The following FBXL20 variants were observed in gnomAD, a reference collection of about 807,000 sequenced individuals.
FBXL20 encodes the protein F-box and leucine rich repeat protein 20.
A neutral mutation model predicts 64.0 loss-of-function variants in FBXL20; 11 were observed. The ratio of observed to expected loss-of-function variants is 0.17; its 90% CI spans 0.11 to 0.28. The LOEUF (loss-of-function observed/expected upper bound fraction) is 0.28. Ranked by LOEUF, FBXL20 falls within the 10% of genes least tolerant of loss-of-function variation. The pLI is 1.00. For missense variants in FBXL20, 303 were observed against 526.2 expected (o/e 0.58, Z 4.15); for synonymous variants, 184 against 189.0 (o/e 0.97, Z 0.22).
intron 1 of FBXL20, among the ~76,000 whole-genome samples, chr17:39,391,650 T>C (rs1287772456): frequency 6.6e-6 from 1 of 152,154 alleles, no homozygotes; most frequent in Non-Finnish European, 1.5e-5. Context: ...AAAGCTGTCA[T>C]TGTCTCCTTA....
chr17:39,339,145 G>GA (rs1181260250), intron 2 of FBXL20, among the ~76,000 whole-genome samples: 1 of 133,572 alleles, frequency 7.5e-6, no homozygotes, highest in Non-Finnish European at 1.5e-5. Context: ...TCCAACCTGG[G>GA]AGACAGTGAG....
intron 1 of FBXL20, among the ~76,000 whole-genome samples, chr17:39,385,884 A>T (rs2048073685): frequency 2.0e-5 from 3 of 151,926 alleles, no homozygotes; most frequent in South Asian, 4.2e-4. Context: ...ACAAAAATTA[A>T]TTGGGCATGG....
intron 1 of FBXL20, among the ~76,000 whole-genome samples, chr17:39,360,986 C>A (rs1304440438): frequency 6.6e-6 from 1 of 152,168 alleles, no homozygotes; most frequent in African/African-American, 2.4e-5. Context: ...TTGTTCCAGC[C>A]TCCACCAACA....
At chr17:39,270,914 T>C (rs1194829351) in intron 10 of FBXL20, 58 bp from the exon 11 acceptor site, 1 of 1,384,930 alleles carries the variant, frequency 7.2e-7, no homozygotes, top group African/African-American at 1.5e-5. Flanking sequence ...GAAAACTGAG[T>C]TTATTAAAAC....
At chr17:39,319,099 A>G (rs1454273483) in intron 2 of FBXL20, among the ~76,000 whole-genome samples, 1 of 151,810 alleles carries the variant, frequency 6.6e-6, no homozygotes, top group African/African-American at 2.4e-5. Context: ...AAATACAAAA[A>G]TTAGCTGGGC....
intron 1 of FBXL20, among the ~76,000 whole-genome samples, chr17:39,374,200 G>A (rs893545794): frequency 6.6e-6 from 1 of 150,432 alleles, no homozygotes; most frequent in Non-Finnish European, 1.5e-5. Context: ...ACACTAGCCT[G>A]GGCGACAAAG....
At chr17:39,340,684 T>TA (rs1304262879) in intron 2 of FBXL20, among the ~76,000 whole-genome samples, 1 of 151,882 alleles carries the variant, frequency 6.6e-6, no homozygotes, top group East Asian at 1.9e-4. Context: ...AATGAAAACT[T>TA]AAAAATAAGA....
At chr17:39,309,743 G>C (rs1458695992) in intron 2 of FBXL20, among the ~76,000 whole-genome samples, 5 of 145,130 alleles carry the variant, frequency 3.4e-5, no homozygotes, top group Non-Finnish European at 5.9e-5. Context: ...AGTGAGCCGA[G>C]ATCATGCCGC....
intron 1 of FBXL20, among the ~76,000 whole-genome samples, chr17:39,393,825 T>C (rs1273819584): frequency 6.6e-6 from 1 of 152,176 alleles, no homozygotes; most frequent in South Asian, 2.1e-4. Flanking sequence ...CTAATGCAAA[T>C]TTGGTTTGGA....
intron 2 of FBXL20, among the ~76,000 whole-genome samples, chr17:39,332,560 T>TA (rs2047472445): frequency 8.1e-6 from 1 of 123,968 alleles, no homozygotes; most frequent in Admixed American, 8.4e-5. Flanking sequence ...TTTTTTTTTT[T>TA]AAGACAGAGT....
intron 3 of FBXL20, among the ~76,000 whole-genome samples, chr17:39,301,508 A>G (rs2047135056): frequency 6.6e-6 from 1 of 151,536 alleles, no homozygotes; most frequent in African/African-American, 2.4e-5. Context: ...CAGGCGGATC[A>G]CCTGAGGTCA....
At position 39,381,048 on chromosome 17, in the gene FBXL20, T is replaced by C. The variant is rs367742649; in HGVS notation, c.42+20313A>G. 2.7e-4 allele frequency among the ~76,000 whole-genome samples: 41 copies of C among 151,716 alleles called. No homozygotes were observed. In the South Asian group the frequency reaches 8.5e-3, roughly 32 times the overall value. ...GGTGGCAGGCACCTGTAATCCCAGC[T>C]AGTCAGGAGGCTGAAGCAGGAGACT... On this transcript the variant is annotated intron_variant, in intron 1 of 14. Coordinates refer to ENST00000264658, the MANE Select transcript of FBXL20 (RefSeq NM_032875.3).
At chr17:39,322,808 ATTT>A (rs1239441110) in intron 2 of FBXL20, among the ~76,000 whole-genome samples, 2 of 151,930 alleles carry the variant, frequency 1.3e-5, no homozygotes, top group Non-Finnish European at 2.9e-5. Context: ...TATTTATTTT[ATTT>A]TTTTATTTTT....
chr17:39,291,682 G>T (rs181373203), intron 6 of FBXL20, among the ~76,000 whole-genome samples: 7 of 152,106 alleles, frequency 4.6e-5, no homozygotes, highest in African/African-American at 1.4e-4. Flanking sequence ...TGATCCACCT[G>T]CGTCGGCCTC....
At chr17:39,261,688 C>T in intron 14 of FBXL20, 121 bp from the exon 15 acceptor site, 2 of 699,112 alleles carry the variant, frequency 2.9e-6, no homozygotes, top group East Asian at 2.7e-5. Flanking sequence ...AGGCTGAGCA[C>T]TGGTCAGGAT....
At chr17:39,308,054 C>A (rs143459093) in intron 2 of FBXL20, among the ~76,000 whole-genome samples, 1 of 151,662 alleles carries the variant, frequency 6.6e-6, no homozygotes, top group African/African-American at 2.4e-5. Flanking sequence ...GGAAGCCAGG[C>A]CAGGCATGGT....
At chr17:39,351,068 C>T (rs1206501137) in intron 1 of FBXL20, among the ~76,000 whole-genome samples, 1 of 152,116 alleles carries the variant, frequency 6.6e-6, no homozygotes, top group East Asian at 1.9e-4. Context: ...AGCATAGTGG[C>T]TCACGCCTGT....
intron 1 of FBXL20, among the ~76,000 whole-genome samples, chr17:39,367,270 G>C (rs987632046): frequency 1.3e-5 from 2 of 151,006 alleles, no homozygotes; most frequent in African/African-American, 4.9e-5. Context: ...TCTCATTGTA[G>C]AATTCCTATT....
chr17:39,343,886 CAG>C (rs536767973), intron 1 of FBXL20, among the ~76,000 whole-genome samples: 59 of 151,936 alleles, frequency 3.9e-4, no homozygotes, highest in Admixed American at 1.3e-3. Flanking sequence ...GTTTTTGAGA[CAG>C]AGTCTCACTC....
Sources: gnomAD v4.1 joint callset for allele counts (sites outside exome capture counted in the v4.1 genomes callset) on GRCh38, gnomAD v4.1.1 for gene constraint, MANE v1.5 for transcripts, NCBI Gene and HGNC (gene_info 2026-07-23, HGNC 2026-07-21) for gene names.